RBFOX1: variants seen among roughly 807,000 people sequenced by gnomAD.
RBFOX1 encodes the protein RNA binding protein fox-1 homolog 1.
In RBFOX1, 8 loss-of-function variants were observed where a neutral mutation model predicts 57.7. The observed-to-expected ratio is 0.14, with a 90% CI of 0.08 to 0.25. The LOEUF is 0.25. Ranked by LOEUF, RBFOX1 falls within the 10% of genes least tolerant of loss-of-function variation. RBFOX1 has a pLI of 1.00. For synonymous variants in RBFOX1, 326 were observed against 222.4 expected (o/e 1.47, Z -4.15); for missense variants, 611 against 548.5 (o/e 1.11, Z -1.14).
intron 4 of RBFOX1, among the ~76,000 whole-genome samples, chr16:7,302,008 G>C (rs2096046748): frequency 6.6e-6 from 1 of 152,144 alleles, no homozygotes; most frequent in Non-Finnish European, 1.5e-5. Context: ...TGTGACCTCT[G>C]ATGCAACGTA....
At chr16:6,028,085 C>A (rs1025955778) in intron 1 of RBFOX1, among the ~76,000 whole-genome samples, 1 of 152,168 alleles carries the variant, frequency 6.6e-6, no homozygotes, top group African/African-American at 2.4e-5. Context: ...CCCTTGGGAC[C>A]AGCCCCCTGT....
chr16:5,699,669 C>G (rs1030800603), intron 3 of RBFOX1, among the ~76,000 whole-genome samples: 1 of 152,094 alleles, frequency 6.6e-6, no homozygotes, highest in African/African-American at 2.4e-5. Context: ...CTACTGGGAT[C>G]TAGAGGATAG....
chr16:6,919,905 C>A (rs747097382), intron 3 of RBFOX1, among the ~76,000 whole-genome samples: 2 of 151,440 alleles, frequency 1.3e-5, no homozygotes, highest in African/African-American at 4.9e-5. Context: ...TACACTGTAC[C>A]CAGTGTGTCA....
intron 3 of RBFOX1, among the ~76,000 whole-genome samples, chr16:5,843,041 C>T (rs980098792): frequency 1.3e-5 from 2 of 152,046 alleles, no homozygotes; most frequent in Non-Finnish European, 2.9e-5. Flanking sequence ...GTTGGCCAGG[C>T]TGGTCTCGAA....
chr16:6,636,676 A>G (rs1461275120), intron 2 of RBFOX1, among the ~76,000 whole-genome samples: 2 of 149,386 alleles, frequency 1.3e-5, no homozygotes, highest in Non-Finnish European at 3.0e-5. Flanking sequence ...GCTACATCAC[A>G]TAAACATTTA....
intron 3 of RBFOX1, among the ~76,000 whole-genome samples, chr16:5,865,713 C>T (rs1318580485): frequency 6.6e-6 from 1 of 152,160 alleles, no homozygotes; most frequent in Non-Finnish European, 1.5e-5. Context: ...TGTGTCTTAG[C>T]CTGGGCTGCC....
intron 3 of RBFOX1, among the ~76,000 whole-genome samples, chr16:5,793,303 C>A (rs551406676): frequency 2.0e-4 from 30 of 152,402 alleles, no homozygotes; most frequent in Admixed American, 3.3e-4. Context: ...CTCCGAAACT[C>A]AGCTTAACCG....
At chr16:6,752,979 A>T (rs1012901723) in intron 3 of RBFOX1, among the ~76,000 whole-genome samples, 5 of 152,202 alleles carry the variant, frequency 3.3e-5, no homozygotes, top group Admixed American at 6.5e-5. Context: ...GAAGGGAAAA[A>T]TACAAATGTG....
At chr16:6,781,005 C>T (rs2080925066) in intron 3 of RBFOX1, among the ~76,000 whole-genome samples, 1 of 152,008 alleles carries the variant, frequency 6.6e-6, no homozygotes, top group Non-Finnish European at 1.5e-5. Context: ...TGATGTGATC[C>T]CATTTGACCA....
chr16:6,529,336 G>GCAGATCAAGTTCAGAAGGTGGAGACCAGC, intron 2 of RBFOX1, among the ~76,000 whole-genome samples: 1 of 152,084 alleles, frequency 6.6e-6, no homozygotes, highest in East Asian at 1.9e-4. Context: ...GTGGAGGCAG[G>GCAGATCAAGTTCAGAAGGTGGAGACCAGC]CAGATCAAGT....
intron 3 of RBFOX1, among the ~76,000 whole-genome samples, chr16:6,766,237 C>T (rs929590987): frequency 3.3e-5 from 5 of 152,036 alleles, no homozygotes; most frequent in African/African-American, 1.2e-4. Flanking sequence ...ATTTCACTTT[C>T]CTCTCCTTGT....
intron 2 of RBFOX1, among the ~76,000 whole-genome samples, chr16:6,436,390 T>G (rs1378063092): frequency 1.3e-5 from 2 of 152,168 alleles, no homozygotes; most frequent in Non-Finnish European, 2.9e-5. Flanking sequence ...TCCTGTCCTG[T>G]GCTAGGCTCT....
At chr16:5,628,725 C>T (rs867770938) in intron 3 of RBFOX1, among the ~76,000 whole-genome samples, 1 of 152,210 alleles carries the variant, frequency 6.6e-6, no homozygotes, top group South Asian at 2.1e-4. Context: ...ATAGCAGTCT[C>T]TTGCTTTTCA....
At chr16:7,409,248 G>A (rs1271296772) in intron 4 of RBFOX1, among the ~76,000 whole-genome samples, 2 of 152,192 alleles carry the variant, frequency 1.3e-5, no homozygotes, top group Non-Finnish European at 2.9e-5. Context: ...TGAGCCTAAT[G>A]TCAACCCTGT....
intron 5 of RBFOX1, among the ~76,000 whole-genome samples, chr16:7,576,224 C>G (rs1197126509): frequency 6.6e-6 from 1 of 152,054 alleles, no homozygotes; most frequent in Non-Finnish European, 1.5e-5. Context: ...GCACCTAGCC[C>G]CATTACCCCA....
At chr16:5,598,826 G>C (rs2047271701) in intron 2 of RBFOX1, 1 of 1,123,658 alleles carries the variant, frequency 8.9e-7, no homozygotes, top group Non-Finnish European at 1.2e-6. Context: ...TGCTAAACTG[G>C]GTTACTCAAG....
At chr16:7,083,559 G>C (rs1478712) in intron 4 of RBFOX1, among the ~76,000 whole-genome samples, 44,653 of 151,966 alleles carry the variant, frequency 0.29, 8,296 homozygotes, top group East Asian at 0.5. Flanking sequence ...GGGTTTCTTT[G>C]TTGGCTTTCT....
intron 4 of RBFOX1, among the ~76,000 whole-genome samples, chr16:7,060,787 C>G (rs1461704300): frequency 6.6e-6 from 1 of 152,142 alleles, no homozygotes; most frequent in Non-Finnish European, 1.5e-5. Context: ...GAATTCTCCC[C>G]TCACTTAAGA....
intron 2 of RBFOX1, among the ~76,000 whole-genome samples, chr16:6,590,109 G>C (rs1460840687): frequency 1.3e-5 from 2 of 152,200 alleles, no homozygotes; most frequent in East Asian, 1.9e-4. Context: ...ATAGCGTTTT[G>C]TAAGCATCAC....
Sources: gnomAD v4.1 joint callset for allele counts (sites outside exome capture counted in the v4.1 genomes callset) on GRCh38, gnomAD v4.1.1 for gene constraint, MANE v1.5 for transcripts, NCBI Gene and HGNC (gene_info 2026-07-23, HGNC 2026-07-21) for gene names.